NTRK2: variants seen among roughly 807,000 people sequenced by gnomAD.
NTRK2 encodes neurotrophic receptor tyrosine kinase 2.
Under a neutral mutation model 94.5 loss-of-function variants are expected in NTRK2, and 13 were observed. The ratio of observed to expected loss-of-function variants is 0.14; its 90% CI spans 0.09 to 0.22. The LOEUF (loss-of-function observed/expected upper bound fraction) is 0.22. Ranked by LOEUF, NTRK2 falls within the 10% of genes least tolerant of loss-of-function variation. NTRK2 has a pLI of 1.00. For missense variants in NTRK2, 639 were observed against 1,071.2 expected (o/e 0.60, Z 5.63); for synonymous variants, 372 against 407.4 (o/e 0.91, Z 1.05).
intron 12 of NTRK2, chr9:84,813,241 G>C (rs1002718108): frequency 2.9e-6 from 3 of 1,050,760 alleles, no homozygotes; most frequent in Non-Finnish European, 3.4e-6. Flanking sequence ...TTCCAGAGGG[G>C]CCACTGTCCC....
chr9:84,852,492 T>C (rs780566968), intron 12 of NTRK2, among the ~76,000 whole-genome samples: 1 of 152,222 alleles, frequency 6.6e-6, no homozygotes, highest in Non-Finnish European at 1.5e-5. Flanking sequence ...CTCACGTCTG[T>C]CAACTCTTAT....
At chr9:84,857,169 A>T (rs374177435) in intron 12 of NTRK2, among the ~76,000 whole-genome samples, 1 of 151,762 alleles carries the variant, frequency 6.6e-6, no homozygotes, top group African/African-American at 2.4e-5. Context: ...ATGTGTTTAC[A>T]TGCTATTTTT....
At position 84,810,471 on chromosome 9, in the gene NTRK2, G is replaced by T. The variant is rs190574882; in HGVS notation, c.1397-50569G>T. On this transcript the variant is annotated intron_variant, in intron 12 of 18. Transcript: ENST00000277120. ...TTATTATGTTCATTTGAAAGTTATTGTACTTGTATGTTAATTTTCATTGAT... is the reference window on the plus strand; with the variant it reads ...TTATTATGTTCATTTGAAAGTTATTTTACTTGTATGTTAATTTTCATTGAT... 1.2e-3 allele frequency: 1,609 copies of T among 1,337,126 alleles called. 8 individuals are homozygous for T. The highest frequency in any genetic ancestry group is 9.7e-3 in the Middle Eastern group (42 of 4,336). 82.8% of individuals were successfully genotyped at this position (1,337,126 alleles called of 1,614,324 possible).
chr9:84,770,153 AACACACACACAC>A (rs35363257), intron 12 of NTRK2, among the ~76,000 whole-genome samples: 8 of 137,042 alleles, frequency 5.8e-5, no homozygotes, highest in East Asian at 4.3e-4. Flanking sequence ...TGTGCATGAG[AACACACACACAC>A]ACACACACAC....
intron 17 of NTRK2, among the ~76,000 whole-genome samples, chr9:84,997,022 G>T (rs1829830717): frequency 6.6e-6 from 1 of 152,196 alleles, no homozygotes; most frequent in Non-Finnish European, 1.5e-5. Flanking sequence ...ACATTCAACT[G>T]GGTGATAAGC....
intron 8 of NTRK2, among the ~76,000 whole-genome samples, chr9:84,725,698 G>T (rs35147532): frequency 0.026 from 3,831 of 149,130 alleles, 72 homozygotes; most frequent in Admixed American, 0.047. Context: ...TATATATAGG[G>T]TCTCCCCAAA....
chr9:85,021,478 A>T lies in NTRK2; in HGVS notation c.*41A>T. 6.3e-7 allele frequency: 1 copy of T among 1,596,728 alleles called. No homozygotes were observed. The highest frequency in any genetic ancestry group is 1.3e-5 in the African/African-American group (1 of 74,674). On this transcript the variant is annotated 3_prime_UTR_variant, in exon 19 of 19. Transcript: ENST00000277120. ...ACCGATCCTTCCCAACGTACTCCTC[A>T]GACGGGCTGAGAGGATGAACATCTT...
chr9:84,989,958 G>A (rs113952613), intron 17 of NTRK2, among the ~76,000 whole-genome samples: 3,104 of 152,306 alleles, frequency 0.02, 58 homozygotes, highest in Middle Eastern at 0.048. Flanking sequence ...TAGGTGTAAA[G>A]TGAGTTGGTA....
At chr9:84,916,049 A>G (rs1193638523) in intron 14 of NTRK2, among the ~76,000 whole-genome samples, 1 of 152,074 alleles carries the variant, frequency 6.6e-6, no homozygotes, top group Non-Finnish European at 1.5e-5. Flanking sequence ...AAAATCTGGC[A>G]TTTGAAATCT....
chr9:84,823,828 A>G (rs1006388159), intron 12 of NTRK2, among the ~76,000 whole-genome samples: 2 of 152,086 alleles, frequency 1.3e-5, no homozygotes, highest in Non-Finnish European at 2.9e-5. Context: ...GCCGTTTGTG[A>G]CTTTCTGGCT....
intron 12 of NTRK2, among the ~76,000 whole-genome samples, chr9:84,809,598 ATAGCTGGGC>A (rs2071521189): frequency 6.6e-6 from 1 of 151,754 alleles, no homozygotes; most frequent in Non-Finnish European, 1.5e-5. Flanking sequence ...TTAGAAAAGA[ATAGCTGGGC>A]TTGGTGGCTC....
chr9:84,770,491 A>G (rs2066450047), intron 12 of NTRK2, among the ~76,000 whole-genome samples: 1 of 152,050 alleles, frequency 6.6e-6, no homozygotes, highest in South Asian at 2.1e-4. Context: ...TTAATAAATC[A>G]CTTGCCATGA....
chr9:84,670,405 G>C lies in NTRK2; in HGVS notation c.-344G>C, dbSNP rs1053394591. 1 of 419,208 alleles carries C rather than the reference G, an allele frequency of 2.4e-6. No homozygotes were observed. Among genetic ancestry groups the C allele is most frequent in the African/African-American group, 2.0e-5 (1 of 49,506 alleles). 26.0% of individuals were successfully genotyped at this position (419,208 alleles called of 1,614,324 possible). A position where few individuals can be genotyped will look rare whatever the true frequency, so the allele number is the denominator to read the frequency against. Reference sequence around the variant, plus strand: ...CGAGGTGCATACCGGACCCCCATTCGCATCTAACAAGGAATCTGCGCCCCA... The same window carrying C: ...CGAGGTGCATACCGGACCCCCATTCCCATCTAACAAGGAATCTGCGCCCCA... On this transcript the variant is annotated 5_prime_UTR_variant, in exon 2 of 19. Coordinates refer to ENST00000277120, the MANE Select transcript of NTRK2 (RefSeq NM_006180.6).
At chr9:85,013,351 G>A (rs1445204740) in intron 17 of NTRK2, among the ~76,000 whole-genome samples, 1 of 152,162 alleles carries the variant, frequency 6.6e-6, no homozygotes, top group Non-Finnish European at 1.5e-5. Context: ...CACCCAGGCT[G>A]GAATGCAGTG....
chr9:84,668,717 C>T (rs754188312), upstream of NTRK2: 1 of 152,262 alleles, frequency 6.6e-6, no homozygotes, highest in Non-Finnish European at 1.5e-5. Context: ...GGATGCATAT[C>T]GTGCTCCGGG....
At chr9:84,878,503 T>A (rs2076153843) in intron 14 of NTRK2, among the ~76,000 whole-genome samples, 1 of 151,900 alleles carries the variant, frequency 6.6e-6, no homozygotes, top group Non-Finnish European at 1.5e-5. Flanking sequence ...GCATGGTGGC[T>A]CATGCCAGTA....
intron 12 of NTRK2, among the ~76,000 whole-genome samples, chr9:84,853,713 C>T (rs895772076): frequency 7.2e-5 from 11 of 152,124 alleles, no homozygotes; most frequent in Non-Finnish European, 1.0e-4. Flanking sequence ...CACCCCCTGC[C>T]CGTGTCCTCT....
chr9:84,813,765 C>T (rs2072071522), intron 12 of NTRK2: 1 of 1,065,900 alleles, frequency 9.4e-7, no homozygotes, highest in African/African-American at 1.6e-5. Context: ...AATTTCTTTT[C>T]AACAGCGCTC....
chr9:84,753,941 G>A (rs1362525040), intron 12 of NTRK2, among the ~76,000 whole-genome samples: 1 of 152,138 alleles, frequency 6.6e-6, no homozygotes, highest in Non-Finnish European at 1.5e-5. Context: ...CCTTGGTTTA[G>A]GAAAATCACT....
Sources: gnomAD v4.1 joint callset for allele counts (sites outside exome capture counted in the v4.1 genomes callset) on GRCh38, gnomAD v4.1.1 for gene constraint, MANE v1.5 for transcripts, NCBI Gene and HGNC (gene_info 2026-07-23, HGNC 2026-07-21) for gene names.